ADGRD1: variants seen among roughly 807,000 people sequenced by gnomAD.
The protein encoded by ADGRD1 is G-protein coupled receptor 133.
In ADGRD1, 77 loss-of-function variants were observed where a neutral mutation model predicts 113.4. The observed-to-expected ratio is 0.68, with a 90% CI of 0.57 to 0.82. The LOEUF is 0.82. Ranked by LOEUF, ADGRD1 falls within the 40% of genes least tolerant of loss-of-function variation. ADGRD1 has a pLI of 0.00. For missense variants in ADGRD1, 1,036 were observed against 1,139.1 expected (o/e 0.91, Z 1.30); for synonymous variants, 474 against 475.0 (o/e 1.00, Z 0.03).
At chr12:131,063,212 G>A (rs1441778801) in intron 13 of ADGRD1, among the ~76,000 whole-genome samples, 1 of 152,184 alleles carries the variant, frequency 6.6e-6, no homozygotes, top group Admixed American at 6.5e-5. Context: ...TCCTGTGTCA[G>A]CTACATGGTT....
At chr12:131,094,413 C>T (rs935316958) in intron 15 of ADGRD1, among the ~76,000 whole-genome samples, 4 of 152,056 alleles carry the variant, frequency 2.6e-5, no homozygotes, top group Admixed American at 6.6e-5. Flanking sequence ...CTGTGGGCAC[C>T]GGGGCAGGAC....
chr12:131,100,612 T>C (rs1258401075), intron 15 of ADGRD1, among the ~76,000 whole-genome samples: 1 of 152,158 alleles, frequency 6.6e-6, no homozygotes, highest in Non-Finnish European at 1.5e-5. Flanking sequence ...GGTTGGTTGA[T>C]GGCATGGTTG....
intron 15 of ADGRD1, among the ~76,000 whole-genome samples, chr12:131,094,303 TG>T (rs1887128806): frequency 6.6e-6 from 1 of 152,126 alleles, no homozygotes; most frequent in Admixed American, 6.6e-5. Flanking sequence ...GGAGCAGGCC[TG>T]GCTACTGCAC....
At position 131,050,053 on chromosome 12, in the gene ADGRD1, T is replaced by C. The variant is rs1236895381; in HGVS notation, c.1474-26748T>C. On this transcript the variant is annotated intron_variant, in intron 13 of 24. Transcript: ENST00000261654. This position sits in a 1 kb window ranked among gnomAD's most constrained non-coding sequence, Gnocchi z 4.8. ...GGGAAACTGGGCACGAATGCTTCTC[T>C]TGCATAGTGCTTGGCACATAGATTG... Among the ~76,000 whole-genome samples the C allele has an allele frequency of 6.6e-6, 1 of 152,196 alleles. No homozygotes were observed. The highest frequency in any genetic ancestry group is 1.5e-5 in the Non-Finnish European group (1 of 68,044).
chr12:131,002,153 G>A (rs1027437088), intron 9 of ADGRD1, among the ~76,000 whole-genome samples: 10 of 151,714 alleles, frequency 6.6e-5, no homozygotes, highest in African/African-American at 2.4e-4. Flanking sequence ...GCCAATGGAA[G>A]TATCCAGGCA....
chr12:131,123,053 T>G (rs1430646952), intron 20 of ADGRD1, among the ~76,000 whole-genome samples: 1,885 of 125,150 alleles, frequency 0.015, 38 homozygotes, highest in African/African-American at 0.031. Flanking sequence ...TTTTTTTTTT[T>G]TTTTTTTTTT....
chr12:131,109,312 C>G (rs780051685), intron 18 of ADGRD1, among the ~76,000 whole-genome samples: 14 of 149,912 alleles, frequency 9.3e-5, no homozygotes, highest in Non-Finnish European at 1.9e-4. Flanking sequence ...GCTTTAGTTT[C>G]TTCTTCTTTT....
In ADGRD1 at chr12:131,003,192, C is replaced by T; in HGVS notation, c.1034C>T (p.Ala345Val). The change falls in exon 10 of 25, where the codon GCC becomes GTC. Residue 345 changes from alanine to valine, a missense_variant. Coordinates refer to ENST00000261654, the MANE Select transcript of ADGRD1 (RefSeq NM_198827.5). This position sits in a 1 kb window ranked among gnomAD's most constrained non-coding sequence, Gnocchi z 4.8. Reference protein sequence around the residue: ...PGWIALSEDSAVVLSLIDTID... With the variant: ...PGWIALSEDSVVVLSLIDTID... The stretch of plus-strand genomic sequence containing the variant: ...GTGCTTGTGTTGCTGCAGGACAGCG[C>T]CGTGGTACTGAGTCTCATCGACACT... 1 of 1,613,144 alleles carries T rather than the reference C, an allele frequency of 6.2e-7. No individual in the cohort carries two copies. The highest frequency in any genetic ancestry group is 8.5e-7 in the Non-Finnish European group (1 of 1,179,234).
chr12:131,046,476 C>A (rs1882802818), intron 13 of ADGRD1, among the ~76,000 whole-genome samples: 1 of 140,210 alleles, frequency 7.1e-6, no homozygotes, highest in South Asian at 2.4e-4. Flanking sequence ...GGTCAGCGCT[C>A]CCTCCCTGGT....
chr12:131,099,853 CT>C (rs1950028851), intron 15 of ADGRD1, among the ~76,000 whole-genome samples: 1 of 152,216 alleles, frequency 6.6e-6, no homozygotes, highest in Non-Finnish European at 1.5e-5. Context: ...ATATGTCTTT[CT>C]TTTTAGTACT....
intron 4 of ADGRD1, among the ~76,000 whole-genome samples, chr12:130,976,633 C>G (rs1872344032): frequency 1.3e-5 from 2 of 152,162 alleles, no homozygotes. Flanking sequence ...TCTACATTGT[C>G]TCCTGCCAGG....
chr12:131,052,347 G>A (rs971696410), intron 13 of ADGRD1, among the ~76,000 whole-genome samples: 4 of 152,168 alleles, frequency 2.6e-5, no homozygotes, highest in African/African-American at 9.7e-5. Context: ...GTTTCACTCC[G>A]ACCTTGTGCC....
chr12:131,138,317 G>A (rs944754519), intron 24 of ADGRD1, 88 bp downstream of exon 24: 18 of 1,141,536 alleles, frequency 1.6e-5, no homozygotes, highest in Non-Finnish European at 2.1e-5. Context: ...GCAGGCAGCA[G>A]AGGTGGCTTC....
At chr12:131,105,919 T>C in intron 17 of ADGRD1, 54 bp downstream of exon 17, 8 of 1,291,470 alleles carry the variant, frequency 6.2e-6, no homozygotes, top group Non-Finnish European at 7.7e-6. Flanking sequence ...CCTCCTCGGA[T>C]GTCACCGGGT....
intron 13 of ADGRD1, 24 bp from the exon 14 acceptor site, chr12:131,076,777 C>A: frequency 4.4e-6 from 7 of 1,607,382 alleles, no homozygotes; most frequent in Non-Finnish European, 6.0e-6. Flanking sequence ...CGTCATGCAT[C>A]GTGTTTGCTT....
At position 131,009,458 on chromosome 12, in the gene ADGRD1, CTG is replaced by C. The variant is rs375742015; in HGVS notation, c.1331+3412_1331+3413del. On this transcript the variant is annotated intron_variant, in intron 12 of 24. Transcript: ENST00000261654. ...TGGTGGGGGGTGTGTGCAGTTGACT[CTG>C]GACTGTGCATTAGAGCATCTTGTAG... Among the ~76,000 whole-genome samples the C allele has an allele frequency of 1.6e-4, 25 of 152,274 alleles. No homozygotes were observed. The East Asian group carries it at 3.7e-3, about 22-fold the overall frequency.
intron 15 of ADGRD1, among the ~76,000 whole-genome samples, chr12:131,101,979 TTCC>T (rs1165011332): frequency 1.3e-5 from 2 of 152,330 alleles, no homozygotes; most frequent in African/African-American, 2.4e-5. Flanking sequence ...GTCTCTTCCC[TTCC>T]TCCTCCAAAG....
chr12:131,100,550 A>G (rs1316314970), intron 15 of ADGRD1, among the ~76,000 whole-genome samples: 3 of 151,706 alleles, frequency 2.0e-5, no homozygotes, highest in Non-Finnish European at 4.4e-5. Flanking sequence ...GGCTTGGTTA[A>G]TGGTAAGGTT....
intron 12 of ADGRD1, among the ~76,000 whole-genome samples, chr12:131,011,779 T>A (rs1439234521): frequency 6.6e-6 from 1 of 152,196 alleles, no homozygotes; most frequent in Non-Finnish European, 1.5e-5. Flanking sequence ...ATTGCACACG[T>A]GTTGAGTTCA....
Sources: allele counts gnomAD v4.1 joint callset (sites outside exome capture counted in the v4.1 genomes callset), GRCh38; gene constraint gnomAD v4.1.1; non-coding constraint Gnocchi (gnomAD v3.1); transcripts MANE v1.5; gene names NCBI Gene and HGNC (gene_info 2026-07-23, HGNC 2026-07-21).